Variants in BMPER observed in about 807,000 individuals in gnomAD.
BMPER encodes BMP binding endothelial regulator, also known as BMP-binding endothelial regulator protein.
BMPER carries 45 observed loss-of-function variants against 87.3 expected under a neutral mutation model. The observed-to-expected ratio is 0.52, with a 90% CI of 0.41 to 0.66. The LOEUF (loss-of-function observed/expected upper bound fraction) is 0.66. Among genes scored for constraint, BMPER ranks in the 30% least tolerant of loss-of-function variants. BMPER has a pLI of 0.00. For missense variants in BMPER, 784 were observed against 867.5 expected (o/e 0.90, Z 1.21); for synonymous variants, 326 against 316.2 (o/e 1.03, Z -0.33).
chr7:33,927,806 A>G (rs950289640), intron 2 of BMPER, among the ~76,000 whole-genome samples: 12 of 152,094 alleles, frequency 7.9e-5, no homozygotes, highest in Admixed American at 3.3e-4. Flanking sequence ...TTGGAGTTGG[A>G]CCCCCAAAAT....
chr7:34,022,129 C>T (rs1787205328), intron 6 of BMPER, among the ~76,000 whole-genome samples: 1 of 152,072 alleles, frequency 6.6e-6, no homozygotes, highest in Non-Finnish European at 1.5e-5. Context: ...TCCCACAGCC[C>T]TTTCATCACA....
At position 34,085,849 on chromosome 7, in the gene BMPER, A is replaced by G. The variant is rs537581896; in HGVS notation, c.1502A>G (p.Asn501Ser). The change falls in exon 13 of 15, where the codon AAT (asparagine) becomes AGT (serine). Residue 501 changes from asparagine (N) to serine (S), a missense_variant. Transcript: ENST00000649409. ...GKLCGLCGNY[N>S]GHKRDDLIGG... ...CTCTGTGGTCTTTGTGGCAACTACAATGGACATAAACGTGATGACTTAATT... is the reference window on the plus strand; with the variant it reads ...CTCTGTGGTCTTTGTGGCAACTACAGTGGACATAAACGTGATGACTTAATT... 14 of 1,614,200 alleles carry G rather than the reference A, an allele frequency of 8.7e-6. No individual in the cohort carries two copies. The highest frequency in any genetic ancestry group is 4.5e-5 in the East Asian group (2 of 44,876).
chr7:34,034,078 A>C (rs985935252), intron 6 of BMPER, among the ~76,000 whole-genome samples: 6 of 152,142 alleles, frequency 3.9e-5, no homozygotes, highest in African/African-American at 1.4e-4. Flanking sequence ...GACCTCACCC[A>C]TGATCATAAG....
At chr7:34,087,084 C>T (rs1372257623) in intron 13 of BMPER, among the ~76,000 whole-genome samples, 1 of 152,060 alleles carries the variant, frequency 6.6e-6, no homozygotes, top group Non-Finnish European at 1.5e-5. Context: ...GATCTTTGGA[C>T]ATAAAAGATA....
chr7:34,120,917 C>G (rs1292526334), intron 13 of BMPER, among the ~76,000 whole-genome samples: 2 of 151,812 alleles, frequency 1.3e-5, no homozygotes, highest in African/African-American at 4.8e-5. Flanking sequence ...TTCAGAATAT[C>G]AAGGAATATC....
At chr7:34,118,878 C>T (rs892933554) in intron 13 of BMPER, among the ~76,000 whole-genome samples, 7 of 152,074 alleles carry the variant, frequency 4.6e-5, no homozygotes, top group Non-Finnish European at 8.8e-5. Flanking sequence ...TCATGAAATG[C>T]AGCGTCACCT....
chr7:34,138,151 C>T (rs1424154562), intron 13 of BMPER, among the ~76,000 whole-genome samples: 1 of 152,084 alleles, frequency 6.6e-6, no homozygotes, highest in Non-Finnish European at 1.5e-5. Flanking sequence ...AACTTAAATT[C>T]CAATTTAAAT....
intron 13 of BMPER, among the ~76,000 whole-genome samples, chr7:34,087,059 A>G (rs1312336457): frequency 6.6e-6 from 1 of 152,184 alleles, no homozygotes; most frequent in African/African-American, 2.4e-5. Context: ...CTCATTAAAT[A>G]TGATTTTTTT....
intron 2 of BMPER, among the ~76,000 whole-genome samples, chr7:33,907,351 AAAC>A (rs1212571045): frequency 3.9e-5 from 6 of 152,106 alleles, no homozygotes; most frequent in Admixed American, 3.3e-4. Context: ...CAGCCACAAA[AAAC>A]AAACATAAGG....
At chr7:34,088,766 T>C (rs966345165) in intron 13 of BMPER, among the ~76,000 whole-genome samples, 3 of 152,178 alleles carry the variant, frequency 2.0e-5, no homozygotes, top group African/African-American at 7.2e-5. Flanking sequence ...TCTTACTTTC[T>C]ATGGAGAAGC....
At chr7:34,014,857 A>G (rs1024859065) in intron 6 of BMPER, among the ~76,000 whole-genome samples, 2 of 151,918 alleles carry the variant, frequency 1.3e-5, no homozygotes, top group African/African-American at 2.4e-5. Context: ...ATTTTCTTTT[A>G]TCACTAATTT....
rs1373263188 is a variant in BMPER, at chr7:34,055,309, T to G, written c.927+6T>G. The G allele has an allele frequency of 6.2e-7, 1 of 1,613,778 alleles. No individual in the cohort carries two copies. Among genetic ancestry groups the G allele is most frequent in the Admixed American group, 1.7e-5 (1 of 60,002 alleles). On this transcript the variant is annotated splice_donor_region_variant and intron_variant, in intron 9 of 14. Coordinates refer to ENST00000649409, the MANE Select transcript of BMPER (RefSeq NM_001365308.1). ...TTGGCAACAAGATTTTCCAGGTATG[T>G]CATGAGACAAGCACATGGGAACTCC...
At chr7:34,150,052 G>A (rs1051983689) in intron 14 of BMPER, among the ~76,000 whole-genome samples, 25 of 152,120 alleles carry the variant, frequency 1.6e-4, no homozygotes, top group African/African-American at 6.0e-4. Flanking sequence ...TCCAGGATGG[G>A]TGCAAATGAC....
At position 34,154,000 on chromosome 7, in the gene BMPER, A is replaced by G. The variant is rs1487163640; in HGVS notation, c.*727A>G. Reference sequence around the variant, plus strand: ...CTATGTGTGTATGATGGATGTGACCATTTATATGTCATGTGTTGAAATTAA... The same window carrying G: ...CTATGTGTGTATGATGGATGTGACCGTTTATATGTCATGTGTTGAAATTAA... On this transcript the variant is annotated 3_prime_UTR_variant, in exon 15 of 15. Transcript: ENST00000649409. 1 of 152,680 alleles carries G rather than the reference A, an allele frequency of 6.5e-6. No individual in the cohort carries two copies. The highest frequency in any genetic ancestry group is 1.5e-5 in the Non-Finnish European group (1 of 68,074). The allele number at this position is 152,680 out of a possible 1,614,324, so 9.5% of individuals were successfully genotyped here. A position where few individuals can be genotyped will look rare whatever the true frequency, so the allele number is the denominator to read the frequency against.
chr7:34,063,877 C>A (rs969923171), intron 11 of BMPER, among the ~76,000 whole-genome samples: 2 of 152,220 alleles, frequency 1.3e-5, no homozygotes, highest in Admixed American at 6.5e-5. Flanking sequence ...AGAGACAGAC[C>A]TCATAGGAAT....
intron 7 of BMPER, among the ~76,000 whole-genome samples, chr7:34,049,071 G>A (rs575718069): frequency 3.3e-5 from 5 of 152,212 alleles, no homozygotes; most frequent in Middle Eastern, 3.4e-3. Flanking sequence ...ATTTTCCCTT[G>A]GGCAGGGTTC....
At chr7:33,963,738 AGCCAAGATCGC>A (rs1785332936) in intron 3 of BMPER, among the ~76,000 whole-genome samples, 3 of 152,178 alleles carry the variant, frequency 2.0e-5, no homozygotes, top group Non-Finnish European at 2.9e-5. Flanking sequence ...GGTTGCAGTA[AGCCAAGATCGC>A]GCCATTGCAC....
At chr7:33,948,388 A>G (rs1307979615) in intron 3 of BMPER, among the ~76,000 whole-genome samples, 2 of 152,198 alleles carry the variant, frequency 1.3e-5, no homozygotes, top group Non-Finnish European at 2.9e-5. Flanking sequence ...GATTTAGCAG[A>G]TGGGAAAACT....
chr7:34,031,927 T>TATATATATACAC (rs767536977), intron 6 of BMPER, among the ~76,000 whole-genome samples: 1 of 55,474 alleles, frequency 1.8e-5, no homozygotes, highest in Non-Finnish European at 3.4e-5. Flanking sequence ...TATATATATA[T>TATATATATACAC]ACACACACAC....
Sources: gnomAD v4.1 joint callset for allele counts (sites outside exome capture counted in the v4.1 genomes callset) on GRCh38, gnomAD v4.1.1 for gene constraint, MANE v1.5 for transcripts, NCBI Gene and HGNC (gene_info 2026-07-23, HGNC 2026-07-21) for gene names.